Variants in ATG7 observed in about 807,000 individuals in gnomAD.
ATG7 encodes the protein ubiquitin-like modifier-activating enzyme ATG7.
In ATG7, 70 loss-of-function variants were observed where a neutral mutation model predicts 82.4. The ratio of observed to expected loss-of-function variants is 0.85; its 90% CI spans 0.70 to 1.04. The LOEUF is 1.04. Among genes scored for constraint, ATG7 ranks in the 50% least tolerant of loss-of-function variants. The pLI is 0.00. For missense variants in ATG7, 792 were observed against 864.3 expected (o/e 0.92, Z 1.05); for synonymous variants, 287 against 313.0 (o/e 0.92, Z 0.88).
rs541850311 is a variant in ATG7, at chr3:11,358,883, A to G, written c.1479+271A>G. On this transcript the variant is annotated intron_variant, in intron 15 of 20. Transcript: ENST00000693202. ...TACTTACATTAAAACGTAAGCTCCA[A>G]GAGGACAGAGACTTGGTCTTATTCA... is the stretch of plus-strand genomic sequence containing the variant. 3.9e-5 allele frequency among the ~76,000 whole-genome samples: 6 copies of G among 152,358 alleles called. No homozygotes were observed. In the East Asian group the frequency reaches 1.2e-3, roughly 29 times the overall value.
chr3:11,310,246 TTAGAA>T (rs1320975080), intron 7 of ATG7, among the ~76,000 whole-genome samples: 1 of 152,216 alleles, frequency 6.6e-6, no homozygotes, highest in Non-Finnish European at 1.5e-5. Context: ...TTTTACTTCT[TTAGAA>T]TAAGTTCTTT....
chr3:11,396,999 A>C (rs1399412927), intron 19 of ATG7, among the ~76,000 whole-genome samples: 1 of 152,146 alleles, frequency 6.6e-6, no homozygotes, highest in African/African-American at 2.4e-5. Context: ...AAATGAAAAA[A>C]TTGAAAAAGA....
chr3:11,417,810 A>ATT (rs368598930), intron 19 of ATG7, among the ~76,000 whole-genome samples: 1,156 of 97,832 alleles, frequency 0.012, 11 homozygotes, highest in Non-Finnish European at 0.014. Flanking sequence ...ATTTTATTTT[A>ATT]TTTTATTTTT....
chr3:11,508,236 A>T (rs1002311878), intron 20 of ATG7, among the ~76,000 whole-genome samples: 1 of 152,044 alleles, frequency 6.6e-6, no homozygotes, highest in Non-Finnish European at 1.5e-5. Context: ...ACAGTGTCTA[A>T]GGTGGGGGGG....
In ATG7 at chr3:11,437,475, C is replaced by T. The variant is rs115885624; in HGVS notation, c.2079+10549C>T. On this transcript the variant is annotated intron_variant, in intron 20 of 20. Coordinates refer to ENST00000693202, the MANE Select transcript of ATG7 (RefSeq NM_001349232.2). ...AAGGGGTTAGGGGAAGATGAGAGCA[C>T]GTTGCTATCTGTTTGTGTAAGTTTA... 2.7e-3 allele frequency among the ~76,000 whole-genome samples: 404 copies of T among 152,194 alleles called. 1 individual carries two copies. The highest frequency in any genetic ancestry group is 4.8e-3 in the Non-Finnish European group (325 of 68,004).
At chr3:11,562,749 G>C in the ATG7 span, among the ~76,000 whole-genome samples, 20 of 152,360 alleles carry the variant, frequency 1.3e-4, no homozygotes, top group African/African-American at 4.8e-4. Context: ...ACCAACCCCA[G>C]CCGAAAATGA....
chr3:11,486,113 A>T (rs1238990694), intron 20 of ATG7, among the ~76,000 whole-genome samples: 1 of 152,164 alleles, frequency 6.6e-6, no homozygotes, highest in Non-Finnish European at 1.5e-5. Context: ...ATGGCATTGA[A>T]TCTATAAATT....
At chr3:11,281,318 T>G (rs1942994556) in intron 2 of ATG7, among the ~76,000 whole-genome samples, 2 of 152,224 alleles carry the variant, frequency 1.3e-5, no homozygotes, top group Admixed American at 6.5e-5. Flanking sequence ...CTAATCAGTA[T>G]ATTACAACAT....
chr3:11,517,375 CAAT>C (rs1221727603), intron 20 of ATG7, among the ~76,000 whole-genome samples: 1 of 150,594 alleles, frequency 6.6e-6, no homozygotes, highest in Non-Finnish European at 1.5e-5. Context: ...AAGAAAAAAA[CAAT>C]GATGGAGACA....
rs199691725 is a variant in ATG7, at chr3:11,299,385, C to T, written c.184C>T (p.Arg62Cys). ...YNGDSAGLPARLTLEFSAFDM... is the reference protein window; with the variant it reads ...YNGDSAGLPACLTLEFSAFDM... Reference sequence around the variant, plus strand: ...AGGTGACTCTGCTGGGCTGCCAGCTCGCTTAACATTGGAGTTCAGTGCTTT... The same window carrying T: ...AGGTGACTCTGCTGGGCTGCCAGCTTGCTTAACATTGGAGTTCAGTGCTTT... Residue 62 changes from arginine (R) to cysteine (C), a missense_variant, in exon 5 of 21, where the codon CGC becomes TGC. Physicochemically the swap from Arg to Cys is radical, Grantham distance 180. Coordinates refer to ENST00000693202, the MANE Select transcript of ATG7 (RefSeq NM_001349232.2). 55 of 1,612,620 alleles carry T rather than the reference C, an allele frequency of 3.4e-5. No individual in the cohort carries two copies. The highest frequency in any genetic ancestry group is 5.3e-5 in the African/African-American group (4 of 74,844).
chr3:11,336,472 A>C (rs753497925), intron 11 of ATG7, among the ~76,000 whole-genome samples: 2 of 152,156 alleles, frequency 1.3e-5, no homozygotes, highest in African/African-American at 2.4e-5. Context: ...AGGCAAATGA[A>C]TTTCCTGTTT....
chr3:11,461,127 G>C (rs528275767), intron 20 of ATG7, among the ~76,000 whole-genome samples: 8 of 152,316 alleles, frequency 5.3e-5, no homozygotes, highest in Non-Finnish European at 1.0e-4. Context: ...GGTGGGGCAG[G>C]GTTTGTGGAA....
At chr3:11,567,017 T>G in the ATG7 span, among the ~76,000 whole-genome samples, 1 of 152,048 alleles carries the variant, frequency 6.6e-6, no homozygotes, top group African/African-American at 2.4e-5. Flanking sequence ...ATTCAAGCCT[T>G]TAGATGGACC....
intron 7 of ATG7, among the ~76,000 whole-genome samples, chr3:11,311,412 T>C (rs930024776): frequency 6.6e-6 from 1 of 151,944 alleles, no homozygotes; most frequent in East Asian, 1.9e-4. Context: ...GAGACCAGCT[T>C]GGGCAACATA....
chr3:11,414,836 C>T (rs1253775859), intron 19 of ATG7, among the ~76,000 whole-genome samples: 2 of 152,086 alleles, frequency 1.3e-5, no homozygotes, highest in Non-Finnish European at 2.9e-5. Flanking sequence ...CTTCTTTTGC[C>T]TATGGATGTG....
intron 20 of ATG7, among the ~76,000 whole-genome samples, chr3:11,470,763 G>A (rs542747415): frequency 6.6e-6 from 1 of 152,188 alleles, no homozygotes; most frequent in African/African-American, 2.4e-5. Context: ...GAAGGGCCTC[G>A]GGAACTGAGC....
intron 9 of ATG7, among the ~76,000 whole-genome samples, chr3:11,319,745 C>T (rs1575422058): frequency 6.6e-6 from 1 of 152,198 alleles, no homozygotes; most frequent in Non-Finnish European, 1.5e-5. Flanking sequence ...GTTATCCTAC[C>T]GGACAGCTGT....
At chr3:11,571,139 G>C in the ATG7 span, among the ~76,000 whole-genome samples, 1 of 152,186 alleles carries the variant, frequency 6.6e-6, no homozygotes, top group African/African-American at 2.4e-5. Flanking sequence ...CCGGCATTCG[G>C]ACTGTCCCAA....
intron 20 of ATG7, among the ~76,000 whole-genome samples, chr3:11,473,744 T>C (rs1020794583): frequency 2.0e-5 from 3 of 152,254 alleles, no homozygotes; most frequent in African/African-American, 7.2e-5. Flanking sequence ...TATTTATCTT[T>C]GAACCTGACT....
Sources: gnomAD v4.1 joint callset for allele counts (sites outside exome capture counted in the v4.1 genomes callset) on GRCh38, gnomAD v4.1.1 for gene constraint, MANE v1.5 for transcripts, NCBI Gene and HGNC (gene_info 2026-07-23, HGNC 2026-07-21) for gene names.